BEND3: variants seen among roughly 807,000 people sequenced by gnomAD.
BEND3 encodes the protein BEN domain containing 3.
BEND3 carries 13 observed loss-of-function variants against 60.1 expected under a neutral mutation model. The ratio of observed to expected loss-of-function variants is 0.22; its 90% CI spans 0.14 to 0.34. The LOEUF (loss-of-function observed/expected upper bound fraction) is 0.34. Among genes scored for constraint, BEND3 ranks in the 10% least tolerant of loss-of-function variants. The probability of loss-of-function intolerance (pLI) is 1.00; values close to 1 mark genes in which losing one functional copy is unlikely to be tolerated. For missense variants in BEND3, 896 were observed against 1,138.1 expected, an observed-to-expected ratio of 0.79 and a Z score of 3.06; for synonymous variants, 497 against 491.5, an observed-to-expected ratio of 1.01 and a Z score of -0.15.
intron 3 of BEND3, among the ~76,000 whole-genome samples, chr6:107,072,750 C>T (rs1554232232): frequency 6.6e-6 from 1 of 152,086 alleles, no homozygotes; most frequent in Non-Finnish European, 1.5e-5. Flanking sequence ...TTTGGGAGGC[C>T]AAGATGGGTG....
chr6:107,086,689 T>G (rs1208344036), intron 3 of BEND3, among the ~76,000 whole-genome samples: 1 of 151,918 alleles, frequency 6.6e-6, no homozygotes, highest in Middle Eastern at 3.2e-3. Flanking sequence ...ATTGAAGGAC[T>G]ATTCACAGGA....
chr6:107,110,351 GCT>G (rs1775914609), intron 1 of BEND3, among the ~76,000 whole-genome samples: 1 of 152,196 alleles, frequency 6.6e-6, no homozygotes, highest in Admixed American at 6.5e-5. Flanking sequence ...GGCATGGAGA[GCT>G]CTTAGTTTGA....
At position 107,066,297 on chromosome 6, in the gene BEND3, A is replaced by G. The variant is rs1363443554; in HGVS notation, c.*2407T>C. The G allele has an allele frequency of 6.6e-6, 1 of 152,382 alleles. No homozygotes were observed. Among genetic ancestry groups the G allele is most frequent in the Admixed American group, 6.5e-5 (1 of 15,278 alleles). 9.4% of individuals were successfully genotyped at this position (152,382 alleles called of 1,614,324 possible). ...AGCCACCTGTATGGATGGAGAAGTG[A>G]GGACACCATACAGACAGGGCAAGGA... On this transcript the variant is annotated 3_prime_UTR_variant, in exon 4 of 4. Coordinates refer to ENST00000369042, the MANE Select transcript of BEND3 (RefSeq NM_001367314.1).
intron 1 of BEND3, among the ~76,000 whole-genome samples, chr6:107,109,442 C>CA (rs55745315): frequency 6.6e-4 from 32 of 48,710 alleles, no homozygotes; most frequent in African/African-American, 1.7e-3. Flanking sequence ...GACTCTGTCT[C>CA]AAAAAAAAAA....
rs138331360 is a variant in BEND3, at chr6:107,083,391, G to A, written c.241-12441C>T. 6.2e-3 allele frequency among the ~76,000 whole-genome samples: 949 copies of A among 152,196 alleles called. 11 individuals are homozygous for A. The highest frequency in any genetic ancestry group is 0.021 in the African/African-American group (887 of 41,522). On this transcript the variant is annotated intron_variant, in intron 3 of 3. Coordinates refer to ENST00000369042, the MANE Select transcript of BEND3 (RefSeq NM_001367314.1). ...TCCCGGCACTTTGGGAGGCTGAGGC[G>A]GGAGGAATGCTTGAGCCCAGGAGTC...
intron 3 of BEND3, among the ~76,000 whole-genome samples, chr6:107,086,364 C>A (rs1405854851): frequency 6.6e-6 from 1 of 152,084 alleles, no homozygotes; most frequent in Non-Finnish European, 1.5e-5. Flanking sequence ...TGTTGGTAAT[C>A]CCAGCACCCC....
rs1312761877 is a variant in BEND3 at position 107,069,558 on chromosome 6, C to T, written c.1633G>A (p.Asp545Asn). 2.5e-6 allele frequency: 4 copies of T among 1,613,096 alleles called. No individual in the cohort carries two copies. The African/African-American group carries it at 4.0e-5, about 16-fold the overall frequency. ...DFDKLEIPQPDFEVPGADCLL... is the reference protein window; with the variant it reads ...DFDKLEIPQPNFEVPGADCLL... ...CAGTCGGCACCGGGCACCTCGAAGTCAGGCTGGGGGATCTCTAACTTGTCG... is the reference window on the plus strand; with the variant it reads ...CAGTCGGCACCGGGCACCTCGAAGTTAGGCTGGGGGATCTCTAACTTGTCG... The change falls in exon 4 of 4, where the codon GAC (aspartate) becomes AAC (asparagine). Residue 545 changes from aspartate to asparagine, a missense_variant. Asp to Asn is a conservative substitution (Grantham distance 23, BLOSUM62 1). Transcript: ENST00000369042.
Position 107,098,855 on chromosome 6 carries a change from A to T in BEND3, c.38-102T>A, listed in dbSNP as rs941610745. ...GGGTGTCTGTGGGCCGCCCTTTGAC[A>T]CCAGTGCTGAGATAATGATGTCTAG... On this transcript the variant is annotated intron_variant, in intron 2 of 3. Transcript: ENST00000369042. 5.6e-6 allele frequency: 5 copies of T among 899,888 alleles called. No individual in the cohort carries two copies. The African/African-American group carries it at 8.3e-5, about 15-fold the overall frequency. 55.7% of individuals were successfully genotyped at this position (899,888 alleles called of 1,614,324 possible). A position where few individuals can be genotyped will look rare whatever the true frequency, so the allele number is the denominator to read the frequency against.
At chr6:107,072,817 TA>T (rs1775011034) in intron 3 of BEND3, among the ~76,000 whole-genome samples, 1 of 151,996 alleles carries the variant, frequency 6.6e-6, no homozygotes, top group Admixed American at 6.6e-5. Context: ...ACACTGTCTC[TA>T]CTAAAAAAAT....
At chr6:107,078,530 C>G (rs1011964058) in intron 3 of BEND3, among the ~76,000 whole-genome samples, 6 of 146,870 alleles carry the variant, frequency 4.1e-5, no homozygotes, top group Admixed American at 6.9e-5. Context: ...TCTCGGCTCA[C>G]TGCAAGCTCT....
intron 3 of BEND3, among the ~76,000 whole-genome samples, chr6:107,096,960 G>A (rs1554236018): frequency 6.6e-6 from 1 of 152,134 alleles, no homozygotes; most frequent in African/African-American, 2.4e-5. Flanking sequence ...ATTCCAGCCT[G>A]GGCGACAGAG....
At chr6:107,106,423 C>G (rs533465437) in intron 1 of BEND3, among the ~76,000 whole-genome samples, 1 of 152,200 alleles carries the variant, frequency 6.6e-6, no homozygotes, top group Non-Finnish European at 1.5e-5. Context: ...GACCTCCCAG[C>G]TTTCTTTCCC....
intron 1 of BEND3, among the ~76,000 whole-genome samples, chr6:107,106,689 A>G (rs1459501350): frequency 6.6e-6 from 1 of 152,024 alleles, no homozygotes; most frequent in Admixed American, 6.6e-5. Flanking sequence ...AGCTCACTGT[A>G]GCCTTGAACT....
At chr6:107,096,472 C>CGTG (rs1264477006) in intron 3 of BEND3, among the ~76,000 whole-genome samples, 1 of 151,884 alleles carries the variant, frequency 6.6e-6, no homozygotes, top group Non-Finnish European at 1.5e-5. Flanking sequence ...ATTAGCCAGG[C>CGTG]GTGGTGGTGC....
intron 1 of BEND3, among the ~76,000 whole-genome samples, 173 bp downstream of exon 1, chr6:107,114,917 G>T (rs1479413613): frequency 6.7e-6 from 1 of 149,208 alleles, no homozygotes; most frequent in African/African-American, 2.4e-5. Context: ...CGGCCCGCGC[G>T]GGGGTGGGCG....
intron 3 of BEND3, among the ~76,000 whole-genome samples, chr6:107,075,615 T>A (rs1273316082): frequency 6.6e-6 from 1 of 152,198 alleles, no homozygotes; most frequent in East Asian, 1.9e-4. Flanking sequence ...TTTGGAGTAC[T>A]AACAATTACA....
chr6:107,066,450 T>C lies in BEND3; in HGVS notation c.*2254A>G, dbSNP rs1774831312. On this transcript the variant is annotated 3_prime_UTR_variant, in exon 4 of 4. Transcript: ENST00000369042. Reference sequence around the variant, plus strand: ...CTACACATGTAAGGTATTAAGAAAATCACTGAAATACGGTTTCCAAAAATT... The same window carrying C: ...CTACACATGTAAGGTATTAAGAAAACCACTGAAATACGGTTTCCAAAAATT... 2 of 152,566 alleles carry C rather than the reference T, an allele frequency of 1.3e-5. 1 individual carries two copies. The highest frequency in any genetic ancestry group is 4.1e-4 in the South Asian group (2 of 4,830). The allele number at this position is 152,566 out of a possible 1,614,324, so 9.5% of individuals were successfully genotyped here. A position where few individuals can be genotyped will look rare whatever the true frequency, so the allele number is the denominator to read the frequency against.
At chr6:107,113,773 G>A (rs1261323800) in intron 1 of BEND3, 3 of 150,450 alleles carry the variant, frequency 2.0e-5, no homozygotes, top group Non-Finnish European at 4.4e-5. Context: ...AAAAAAAAAA[G>A]AGAGAAAAAC....
At chr6:107,073,786 C>G (rs576731828) in intron 3 of BEND3, among the ~76,000 whole-genome samples, 3 of 151,772 alleles carry the variant, frequency 2.0e-5, no homozygotes, top group Non-Finnish European at 4.4e-5. Context: ...ACTCGGGAGG[C>G]TGAGGTAGGA....
Sources: allele counts gnomAD v4.1 joint callset (sites outside exome capture counted in the v4.1 genomes callset), GRCh38; gene constraint gnomAD v4.1.1; transcripts MANE v1.5; gene names NCBI Gene and HGNC (gene_info 2026-07-23, HGNC 2026-07-21).